ZC3H12D: variants seen among roughly 807,000 people sequenced by gnomAD.
ZC3H12D encodes zinc finger CCCH-type containing 12D, also known as probable ribonuclease ZC3H12D.
A neutral mutation model predicts 24.2 loss-of-function variants in ZC3H12D; 11 were observed. The observed-to-expected ratio is 0.46, with a 90% CI of 0.29 to 0.75. The LOEUF (loss-of-function observed/expected upper bound fraction) is 0.75. ZC3H12D is among the 30% of genes least tolerant of loss of function. The pLI is 0.11. For missense variants in ZC3H12D, 740 were observed against 767.7 expected (o/e 0.96, Z 0.43); for synonymous variants, 333 against 341.8 (o/e 0.97, Z 0.28).
Position 149,447,099 on chromosome 6 carries a change from T to G in ZC3H12D, c.*3584A>C, listed in dbSNP as rs1775790485. On this transcript the variant is annotated 3_prime_UTR_variant, in exon 6 of 6. Transcript: ENST00000409806. ...GCCTGTGTCCTTGGGAACTGCCTGCTGCACATCCAGCAAAGGGAGGTCCTT... is the reference window on the plus strand; with the variant it reads ...GCCTGTGTCCTTGGGAACTGCCTGCGGCACATCCAGCAAAGGGAGGTCCTT... 1 of 152,260 alleles carries G rather than the reference T, an allele frequency of 6.6e-6. No homozygotes were observed. Among genetic ancestry groups the G allele is most frequent in the Admixed American group, 6.5e-5 (1 of 15,282 alleles). 9.4% of individuals were successfully genotyped at this position (152,260 alleles called of 1,614,324 possible). A position where few individuals can be genotyped will look rare whatever the true frequency, so the allele number is the denominator to read the frequency against.
At chr6:149,459,793 G>T (rs1002697438) in intron 3 of ZC3H12D, 3 of 695,158 alleles carry the variant, frequency 4.3e-6, no homozygotes, top group South Asian at 1.6e-5. Context: ...GGGCAGAGGC[G>T]CCAGGCTGCC....
At position 149,449,925 on chromosome 6, in the gene ZC3H12D, CTG is replaced by C. The variant is rs371954872; in HGVS notation, c.*756_*757del. 0.024 allele frequency: 3,497 copies of C among 143,810 alleles called. 52 individuals are homozygous for C. The highest frequency in any genetic ancestry group is 0.037 in the Non-Finnish European group (2,428 of 65,808). 8.9% of individuals were successfully genotyped at this position (143,810 alleles called of 1,614,324 possible). A position where few individuals can be genotyped will look rare whatever the true frequency, so the allele number is the denominator to read the frequency against. ...TGTGAGTATGTACATGTATGATAGA[CTG>C]TGTGTGTGTGTGTGTGTGTGTGTGT... On this transcript the variant is annotated 3_prime_UTR_variant, in exon 6 of 6. Coordinates refer to ENST00000409806, the MANE Select transcript of ZC3H12D (RefSeq NM_207360.3).
In ZC3H12D at chr6:149,480,836, C is replaced by T. The variant is rs956083818; in HGVS notation, c.-71+3977G>A. ...GGAACTGTTGAAGAGAACTGAACTG[C>T]ACAGTGAAAGGAGACTGGCTCTTCC... On this transcript the variant is annotated intron_variant, in intron 1 of 5. Transcript: ENST00000409806. Among the ~76,000 whole-genome samples the T allele has an allele frequency of 1.3e-5, 2 of 148,736 alleles. 1 individual carries two copies. Among genetic ancestry groups the T allele is most frequent in the Non-Finnish European group, 3.0e-5 (2 of 67,194 alleles).
At chr6:149,480,173 G>A (rs899551333) in intron 1 of ZC3H12D, among the ~76,000 whole-genome samples, 4 of 152,096 alleles carry the variant, frequency 2.6e-5, no homozygotes, top group Non-Finnish European at 5.9e-5. Context: ...ACAATCCAAT[G>A]TCAACTCATT....
chr6:149,474,704 G>C (rs1256974405), intron 1 of ZC3H12D, 91 bp from the exon 2 acceptor site: 3 of 573,440 alleles, frequency 5.2e-6, no homozygotes, highest in Non-Finnish European at 8.1e-6. Flanking sequence ...TCCCGGCCTA[G>C]CTGTCAGGAA....
At position 149,481,113 on chromosome 6, in the gene ZC3H12D, C is replaced by T. The variant is rs543014187; in HGVS notation, c.-71+3700G>A. Among the ~76,000 whole-genome samples the T allele has an allele frequency of 2.0e-5, 3 of 151,904 alleles. No homozygotes were observed. The East Asian group carries it at 5.8e-4, about 29-fold the overall frequency. On this transcript the variant is annotated intron_variant, in intron 1 of 5. Coordinates refer to ENST00000409806, the MANE Select transcript of ZC3H12D (RefSeq NM_207360.3). ...GAGCCCAAAGGCTTCCAGTCAGGCT[C>T]TTCGCTCACCCAGAACATCTGCATC...
rs1391418987 is a variant in ZC3H12D at position 149,447,166 on chromosome 6, C to A, written c.*3517G>T. 2 of 152,346 alleles carry A rather than the reference C, an allele frequency of 1.3e-5. No homozygotes were observed. The highest frequency in any genetic ancestry group is 4.1e-4 in the South Asian group (2 of 4,828). The allele number at this position is 152,346 out of a possible 1,614,324, so 9.4% of individuals were successfully genotyped here. A position where few individuals can be genotyped will look rare whatever the true frequency, so the allele number is the denominator to read the frequency against. On this transcript the variant is annotated 3_prime_UTR_variant, in exon 6 of 6. Coordinates refer to ENST00000409806, the MANE Select transcript of ZC3H12D (RefSeq NM_207360.3). ...TTCTCCTGGAAAAGGTGGATTTGAG[C>A]CCCTCACATCCCCCCAGGTGGAACA...
Position 149,481,816 on chromosome 6 carries a change from G to A in ZC3H12D, c.-71+2997C>T, listed in dbSNP as rs79013832. 5.8e-3 allele frequency among the ~76,000 whole-genome samples: 884 copies of A among 152,316 alleles called. 6 individuals carry two copies. The highest frequency in any genetic ancestry group is 0.019 in the African/African-American group (810 of 41,564). The stretch of plus-strand genomic sequence containing the variant: ...GGCTAGTAAAATGGCAGAGATGATC[G>A]GCAGTGACAAAAATGATTTGTCGTT... On this transcript the variant is annotated intron_variant, in intron 1 of 5. Transcript: ENST00000409806.
rs934226873 is a variant in ZC3H12D, at chr6:149,450,065, G to C, written c.*618C>G. On this transcript the variant is annotated 3_prime_UTR_variant, in exon 6 of 6. Coordinates refer to ENST00000409806, the MANE Select transcript of ZC3H12D (RefSeq NM_207360.3). ...CAGCCACACAATTCAGAGCACAGGA[G>C]AGCCCACACCTGGAGGCTGGGCTGC... is the stretch of plus-strand genomic sequence containing the variant. The C allele has an allele frequency of 6.6e-6, 1 of 152,264 alleles. No individual in the cohort carries two copies. Among genetic ancestry groups the C allele is most frequent in the Non-Finnish European group, 1.5e-5 (1 of 68,136 alleles). 9.4% of individuals were successfully genotyped at this position (152,264 alleles called of 1,614,324 possible). A position where few individuals can be genotyped will look rare whatever the true frequency, so the allele number is the denominator to read the frequency against.
intron 2 of ZC3H12D, among the ~76,000 whole-genome samples, chr6:149,469,253 C>G (rs920563832): frequency 6.6e-6 from 1 of 152,068 alleles, no homozygotes; most frequent in Non-Finnish European, 1.5e-5. Flanking sequence ...GTCAGGAGAT[C>G]GAGACCATCC....
Position 149,456,530 on chromosome 6 carries a change from G to A in ZC3H12D, c.680+136C>T, listed in dbSNP as rs911495743. 6.8e-6 allele frequency: 5 copies of A among 731,558 alleles called. No individual in the cohort carries two copies. Among genetic ancestry groups the A allele is most frequent in the Non-Finnish European group, 8.9e-6 (4 of 447,712 alleles). The allele number at this position is 731,558 out of a possible 1,614,324, so 45.3% of individuals were successfully genotyped here. A position where few individuals can be genotyped will look rare whatever the true frequency, so the allele number is the denominator to read the frequency against. On this transcript the variant is annotated intron_variant, in intron 4 of 5. Transcript: ENST00000409806. The surrounding 1 kb of genome is among the most constrained non-coding windows in gnomAD (Gnocchi z 4.3). ...ACGTGCCCGCCGAGAATGCGGACCT[G>A]GGGGAGCTCTGTCTGAGGGGCTGGG...
chr6:149,484,097 G>A (rs866446367), intron 1 of ZC3H12D, among the ~76,000 whole-genome samples: 1 of 152,122 alleles, frequency 6.6e-6, no homozygotes, highest in Non-Finnish European at 1.5e-5. Flanking sequence ...CCACATCCCG[G>A]AGCAACTCTA....
At chr6:149,483,523 C>T (rs369244340) in intron 1 of ZC3H12D, among the ~76,000 whole-genome samples, 8 of 152,238 alleles carry the variant, frequency 5.3e-5, no homozygotes, top group East Asian at 1.9e-4. Flanking sequence ...CACCATTGTA[C>T]GTTCTGTCTC....
At chr6:149,482,664 C>G (rs1427069672) in intron 1 of ZC3H12D, among the ~76,000 whole-genome samples, 3 of 152,144 alleles carry the variant, frequency 2.0e-5, no homozygotes, top group Non-Finnish European at 4.4e-5. Flanking sequence ...AGTTTGCAGC[C>G]TCTGACTAGA....
In ZC3H12D at chr6:149,462,492, G is replaced by T. The variant is rs1776089932; in HGVS notation, c.306-522C>A. Among the ~76,000 whole-genome samples, 5 of 152,358 alleles carry T rather than the reference G, an allele frequency of 3.3e-5. No individual in the cohort carries two copies. The South Asian group carries it at 8.3e-4, about 25-fold the overall frequency. On this transcript the variant is annotated intron_variant, in intron 2 of 5. Coordinates refer to ENST00000409806, the MANE Select transcript of ZC3H12D (RefSeq NM_207360.3). The stretch of plus-strand genomic sequence containing the variant: ...ACCATTAACAAGAACCACATAGCTT[G>T]TGATAGGTATGTAGAGGGTCTTGGG...
Position 149,450,697 on chromosome 6 carries a change from G to T in ZC3H12D, c.1570C>A (p.Leu524Met). Residue 524 changes from leucine to methionine, a missense_variant, in exon 6 of 6, where the codon CTG becomes ATG. Leu to Met is a conservative substitution (Grantham distance 15). Coordinates refer to ENST00000409806, the MANE Select transcript of ZC3H12D (RefSeq NM_207360.3). The stretch of plus-strand genomic sequence containing the variant: ...GTGTTGGTCCCTTAGGGCTTGCCCA[G>T]GGGCGCCCCCGCGCTCTGGCATCTC... ...VQRCQSAGAP[L>M]GKP The T allele has an allele frequency of 6.5e-7, 1 of 1,532,888 alleles. No homozygotes were observed. The allele number at this position is 1,532,888 out of a possible 1,614,324, so 95.0% of individuals were successfully genotyped here. A position where few individuals can be genotyped will look rare whatever the true frequency, so the allele number is the denominator to read the frequency against.
In ZC3H12D at chr6:149,451,349, CTGCTCCTCGG is replaced by C; in HGVS notation, c.908_917del (p.Ala303GlyfsTer192). On this transcript the variant is annotated frameshift_variant, in exon 6 of 6. Coordinates refer to ENST00000409806, the MANE Select transcript of ZC3H12D (RefSeq NM_207360.3). LOFTEE classifies it low-confidence loss of function (END_TRUNC). ...AGCCGCCCGGGGCTCTCGGTGGCCG[CTGCTCCTCGG>C]CGCCCGCGCCAGGCCGGGCCCCTGT... 6.7e-7 allele frequency: 1 copy of C among 1,481,698 alleles called. No individual in the cohort carries two copies. Among genetic ancestry groups the C allele is most frequent in the Non-Finnish European group, 8.9e-7 (1 of 1,127,022 alleles). 91.8% of individuals were successfully genotyped at this position (1,481,698 alleles called of 1,614,324 possible). A position where few individuals can be genotyped will look rare whatever the true frequency, so the allele number is the denominator to read the frequency against.
chr6:149,471,903 T>C (rs1562476643), intron 2 of ZC3H12D, among the ~76,000 whole-genome samples: 1 of 152,194 alleles, frequency 6.6e-6, no homozygotes, highest in African/African-American at 2.4e-5. Context: ...GGCCAGACAG[T>C]GCATGAAGCA....
intron 2 of ZC3H12D, among the ~76,000 whole-genome samples, chr6:149,471,362 A>G (rs1318529536): frequency 1.3e-5 from 2 of 152,254 alleles, no homozygotes; most frequent in African/African-American, 4.8e-5. Context: ...AAGCCTGTCA[A>G]GTCCTTTCCT....
Sources: allele counts gnomAD v4.1 joint callset (sites outside exome capture counted in the v4.1 genomes callset), GRCh38; gene constraint gnomAD v4.1.1; non-coding constraint Gnocchi (gnomAD v3.1); transcripts MANE v1.5; gene names NCBI Gene and HGNC (gene_info 2026-07-23, HGNC 2026-07-21).